The following INPP5D variants were observed in gnomAD, a reference collection of about 807,000 sequenced individuals.
INPP5D encodes the protein phosphatidylinositol 3,4,5-trisphosphate 5-phosphatase 1.
INPP5D carries 33 observed loss-of-function variants against 122.9 expected under a neutral mutation model. The ratio of observed to expected loss-of-function variants is 0.27; its 90% CI spans 0.20 to 0.36. INPP5D has a LOEUF of 0.36. Among genes scored for constraint, INPP5D ranks in the 10% least tolerant of loss-of-function variants. The probability of loss-of-function intolerance (pLI) is 1.00; values close to 1 mark genes in which losing one functional copy is unlikely to be tolerated. For missense variants in INPP5D, 1,053 were observed against 1,412.7 expected (o/e 0.75, Z 4.08); for synonymous variants, 584 against 576.2 (o/e 1.01, Z -0.19).
intron 2 of INPP5D, among the ~76,000 whole-genome samples, chr2:233,080,526 C>T (rs1691654065): frequency 6.6e-6 from 1 of 151,816 alleles, no homozygotes; most frequent in South Asian, 2.1e-4. Flanking sequence ...AGCAGTGCAT[C>T]CACGTCCCAA....
chr2:233,183,777 G>T lies in INPP5D; in HGVS notation c.2162-631G>T, dbSNP rs938048419. ...AAAGAGAAAGGAAAGAAGGAAGGAT[G>T]TGAGGGATGGAGGAAGGAAAGGTTT... On this transcript the variant is annotated intron_variant, in intron 19 of 26. Transcript: ENST00000445964. The surrounding 1 kb of genome is among the most constrained non-coding windows in gnomAD (Gnocchi z 4.6). Among the ~76,000 whole-genome samples, 1 of 152,262 alleles carries T rather than the reference G, an allele frequency of 6.6e-6. No individual in the cohort carries two copies. The highest frequency in any genetic ancestry group is 1.5e-5 in the Non-Finnish European group (1 of 68,046).
intron 2 of INPP5D, among the ~76,000 whole-genome samples, chr2:233,099,082 T>C (rs10195662): frequency 0.63 from 94,978 of 150,972 alleles, 30,159 homozygotes; most frequent in Middle Eastern, 0.66. Flanking sequence ...TCCGGAGTAG[T>C]TGGGATTATA....
At chr2:233,111,654 A>G (rs1233535997) in intron 2 of INPP5D, among the ~76,000 whole-genome samples, 1 of 152,324 alleles carries the variant, frequency 6.6e-6, no homozygotes, top group African/African-American at 2.4e-5. Context: ...CACCCATCTC[A>G]GGGGGTACAA....
chr2:233,148,456 G>A (rs972990022), intron 9 of INPP5D, among the ~76,000 whole-genome samples: 1 of 152,138 alleles, frequency 6.6e-6, no homozygotes, highest in Admixed American at 6.5e-5. Flanking sequence ...GCAACCAGTC[G>A]GGCAGGGGTC....
At chr2:233,130,956 C>T (rs1283757376) in intron 5 of INPP5D, 1 of 516,968 alleles carries the variant, frequency 1.9e-6, no homozygotes, top group African/African-American at 1.9e-5. Flanking sequence ...GGATCCAGCT[C>T]TTAAGATTTT....
intron 9 of INPP5D, among the ~76,000 whole-genome samples, chr2:233,151,186 G>T (rs1054039928): frequency 2.0e-5 from 3 of 152,096 alleles, no homozygotes; most frequent in Admixed American, 2.0e-4. Context: ...TTAAGAATGG[G>T]CTATGCATGG....
At position 233,105,434 on chromosome 2, in the gene INPP5D, ATCCACCAGGCTGAGTC is replaced by A. The variant is rs1045473833; in HGVS notation, c.199-16669_199-16654del. 6.6e-6 allele frequency among the ~76,000 whole-genome samples: 1 copy of A among 152,042 alleles called. No homozygotes were observed. The highest frequency in any genetic ancestry group is 2.4e-5 in the African/African-American group (1 of 41,382). ...AGCTTCTTTGGTGAATCCTTCCCTG[ATCCACCAGGCTGAGTC>A]TCCCGGAGCACCCTCCCAAGCTACT... is the stretch of plus-strand genomic sequence containing the variant. On this transcript the variant is annotated intron_variant, in intron 2 of 26. Coordinates refer to ENST00000445964, the MANE Select transcript of INPP5D (RefSeq NM_001017915.3). The surrounding 1 kb of genome is among the most constrained non-coding windows in gnomAD (Gnocchi z 4.0).
At chr2:233,158,258 TC>T (rs1694106904) in intron 9 of INPP5D, 54 bp from the exon 10 acceptor site, 1 of 674,816 alleles carries the variant, frequency 1.5e-6, no homozygotes, top group South Asian at 1.6e-5. Flanking sequence ...ATGGAGACCG[TC>T]CATATTGGTT....
intron 9 of INPP5D, among the ~76,000 whole-genome samples, chr2:233,152,301 AT>A (rs1244174859): frequency 6.6e-6 from 1 of 152,134 alleles, no homozygotes; most frequent in Non-Finnish European, 1.5e-5. Context: ...TCCTTACCCT[AT>A]TTTAATCACC....
intron 2 of INPP5D, 135 bp from the exon 3 acceptor site, chr2:233,121,972 G>A: frequency 1.0e-6 from 1 of 958,304 alleles, no homozygotes; most frequent in Admixed American, 2.1e-5. Flanking sequence ...CACACACCCT[G>A]CGTAGGAGCC....
At chr2:233,204,918 AC>A in intron 26 of INPP5D, 1 of 869,494 alleles carries the variant, frequency 1.2e-6, no homozygotes, top group Non-Finnish European at 1.6e-6. Flanking sequence ...CAGGATTTGA[AC>A]CCAGGTCTGC....
intron 2 of INPP5D, among the ~76,000 whole-genome samples, chr2:233,110,926 T>TAA (rs889669630): frequency 7.6e-6 from 1 of 131,330 alleles, no homozygotes; most frequent in Non-Finnish European, 1.6e-5. Context: ...CTCCGTCTCT[T>TAA]AAAAAAAAAA....
intron 6 of INPP5D, among the ~76,000 whole-genome samples, chr2:233,144,190 C>T (rs1693687816): frequency 8.2e-6 from 1 of 121,650 alleles, no homozygotes; most frequent in East Asian, 2.6e-4. Flanking sequence ...TGGTCATGAT[C>T]ATGGTAGAAC....
In INPP5D at chr2:233,102,372, C is replaced by T. The variant is rs572383491; in HGVS notation, c.199-19735C>T. Among the ~76,000 whole-genome samples, 5 of 152,294 alleles carry T rather than the reference C, an allele frequency of 3.3e-5. No homozygotes were observed. The East Asian group carries it at 5.8e-4, about 18-fold the overall frequency. ...TGTTTCCCCCATGGGCCCCAGTCCC[C>T]GCCTCTCCCTAGTGTCCCACACCTC... is the stretch of plus-strand genomic sequence containing the variant. On this transcript the variant is annotated intron_variant, in intron 2 of 26. Coordinates refer to ENST00000445964, the MANE Select transcript of INPP5D (RefSeq NM_001017915.3).
At chr2:233,158,068 A>T (rs538642956) in intron 9 of INPP5D, among the ~76,000 whole-genome samples, 24 of 152,278 alleles carry the variant, frequency 1.6e-4, no homozygotes, top group Admixed American at 5.2e-4. Context: ...GAAAGATGAA[A>T]AGACGATCAC....
chr2:233,117,622 G>A (rs945010754), intron 2 of INPP5D, among the ~76,000 whole-genome samples: 7 of 152,118 alleles, frequency 4.6e-5, no homozygotes, highest in African/African-American at 1.7e-4. Context: ...TATGAGTTCG[G>A]GGGGGCTGTA....
chr2:233,185,923 A>G lies in INPP5D; in HGVS notation c.2356A>G (p.Lys786Glu), dbSNP rs1694901659. The change falls in exon 21 of 27, where the codon AAG becomes GAG. Residue 786 changes from lysine (K) to glutamate (E), a missense_variant and splice_region_variant. Around this residue, in one of 6 missense-constraint regions of INPP5D, gnomAD observed 258 missense variants for 439.1 expected, o/e 0.59. Coordinates refer to ENST00000445964, the MANE Select transcript of INPP5D (RefSeq NM_001017915.3). Reference sequence around the variant, plus strand: ...GGTGAAGTTTGGTGAGACTCTTCCAAAGGTAATTCTAGAGCAAGGCATTCC... The same window carrying G: ...GGTGAAGTTTGGTGAGACTCTTCCAGAGGTAATTCTAGAGCAAGGCATTCC... Reference protein sequence around the residue: ...LVVKFGETLPKLKPIISDPEY... With the variant: ...LVVKFGETLPELKPIISDPEY... 1 of 1,599,924 alleles carries G rather than the reference A, an allele frequency of 6.3e-7. No homozygotes were observed. The highest frequency in any genetic ancestry group is 1.3e-5 in the African/African-American group (1 of 74,474).
chr2:233,129,676 T>C (rs538346554), intron 4 of INPP5D, among the ~76,000 whole-genome samples: 1 of 151,772 alleles, frequency 6.6e-6, no homozygotes, highest in East Asian at 1.9e-4. Context: ...TCACTCAGAC[T>C]CCCCCCACAG....
At chr2:233,119,131 G>A (rs183806008) in intron 2 of INPP5D, among the ~76,000 whole-genome samples, 1 of 152,178 alleles carries the variant, frequency 6.6e-6, no homozygotes, top group African/African-American at 2.4e-5. Context: ...ATAAAATAAC[G>A]TGTCTTACTT....
Sources: gnomAD v4.1 joint callset for allele counts (sites outside exome capture counted in the v4.1 genomes callset) on GRCh38, gnomAD v4.1.1 for gene constraint, gnomAD v4.1.1 regional missense constraint, Gnocchi (gnomAD v3.1) non-coding constraint, MANE v1.5 for transcripts, NCBI Gene and HGNC (gene_info 2026-07-23, HGNC 2026-07-21) for gene names.